The following E2F6 variants were observed in gnomAD, a reference collection of about 807,000 sequenced individuals.
E2F6 encodes the protein transcription factor E2F6.
E2F6 carries 19 observed loss-of-function variants against 31.5 expected under a neutral mutation model. That is an observed-to-expected ratio of 0.60 (90% confidence interval 0.42 to 0.89). E2F6 has a LOEUF of 0.89. E2F6 is among the 40% of genes least tolerant of loss of function. The pLI is 0.00. For synonymous variants in E2F6, 121 were observed against 127.7 expected, an observed-to-expected ratio of 0.95 and a Z score of 0.36; for missense variants, 269 against 341.6, an observed-to-expected ratio of 0.79 and a Z score of 1.67.
At chr2:11,452,522 T>G (rs368315296) in intron 3 of E2F6, among the ~76,000 whole-genome samples, 1 of 151,870 alleles carries the variant, frequency 6.6e-6, no homozygotes, top group East Asian at 1.9e-4. Context: ...GAGAATCACT[T>G]GAACCCAGGA....
chr2:11,453,079 C>T (rs1671172414), intron 3 of E2F6, among the ~76,000 whole-genome samples: 1 of 152,174 alleles, frequency 6.6e-6, no homozygotes, highest in Admixed American at 6.5e-5. Context: ...ACACAGATAC[C>T]TTTATCTATG....
In E2F6 at chr2:11,450,031, T is replaced by C. The variant is rs778783633; in HGVS notation, c.632A>G (p.Asp211Gly). 1.2e-6 allele frequency: 2 copies of C among 1,612,692 alleles called. No individual in the cohort carries two copies. The highest frequency in any genetic ancestry group is 1.3e-5 in the African/African-American group (1 of 75,012). The change falls in exon 5 of 7, where the codon GAT (aspartate) becomes GGT (glycine). Residue 211 changes from aspartate to glycine, a missense_variant. By Grantham distance (94) the Asp-to-Gly change is moderately conservative. Transcript: ENST00000381525. Reference protein sequence around the residue: ...AVKAPAETRLDVPAPREDSIT... With the variant: ...AVKAPAETRLGVPAPREDSIT... ...ACCTACTTCTCTGGGAGCTGGAACA[T>C]CCAATCTGGTTTCTGCTGGAGCTTT...
At chr2:11,450,889 C>T (rs181258234) in intron 4 of E2F6, among the ~76,000 whole-genome samples, 8 of 152,174 alleles carry the variant, frequency 5.3e-5, no homozygotes, top group Non-Finnish European at 8.8e-5. Flanking sequence ...AATCAGTGAG[C>T]CCCTCAAAGG....
intron 2 of E2F6, among the ~76,000 whole-genome samples, 182 bp from the exon 3 acceptor site, chr2:11,453,980 T>C (rs1432759706): frequency 2.6e-5 from 4 of 152,178 alleles, no homozygotes; most frequent in African/African-American, 7.2e-5. Flanking sequence ...TTCACTGGCC[T>C]ATCCTGGCTC....
At position 11,452,451 on chromosome 2, in the gene E2F6, A is replaced by G. The variant is rs1436896822; in HGVS notation, c.381-645T>C. 2.0e-5 allele frequency among the ~76,000 whole-genome samples: 3 copies of G among 152,040 alleles called. No homozygotes were observed. The South Asian group carries it at 6.2e-4, about 32-fold the overall frequency. ...AAACCCCGTCTCTACTAAAAATACAAAAATTAGCCGGGCGTGGTGGTGTAT... is the reference window on the plus strand; with the variant it reads ...AAACCCCGTCTCTACTAAAAATACAGAAATTAGCCGGGCGTGGTGGTGTAT... On this transcript the variant is annotated intron_variant, in intron 3 of 6. Coordinates refer to ENST00000381525, the MANE Select transcript of E2F6 (RefSeq NM_198256.4).
chr2:11,447,979 C>A (rs979455966), intron 5 of E2F6, among the ~76,000 whole-genome samples: 4 of 152,122 alleles, frequency 2.6e-5, no homozygotes, highest in African/African-American at 9.7e-5. Flanking sequence ...AACCTCAGTA[C>A]TCAAGAGCCT....
At chr2:11,461,909 G>T (rs1671803940) in intron 1 of E2F6, among the ~76,000 whole-genome samples, 1 of 152,172 alleles carries the variant, frequency 6.6e-6, no homozygotes, top group Non-Finnish European at 1.5e-5. Flanking sequence ...AAAAATATTT[G>T]AAAATATCAC....
At chr2:11,448,384 T>C (rs1007297363) in intron 5 of E2F6, among the ~76,000 whole-genome samples, 18 of 152,248 alleles carry the variant, frequency 1.2e-4, no homozygotes, top group Non-Finnish European at 2.5e-4. Context: ...GCCCCAGTTA[T>C]AAATGATTGC....
intron 4 of E2F6, 126 bp downstream of exon 4, chr2:11,451,525 T>A: frequency 9.9e-7 from 1 of 1,007,480 alleles, no homozygotes. Flanking sequence ...GCTAATTTTG[T>A]ATTTAACTTT....
At chr2:11,449,781 T>A (rs1314804274) in intron 5 of E2F6, among the ~76,000 whole-genome samples, 1 of 152,266 alleles carries the variant, frequency 6.6e-6, no homozygotes, top group Non-Finnish European at 1.5e-5. Flanking sequence ...CTGGTGATCC[T>A]GAAAAAGTTA....
chr2:11,459,726 T>G (rs1292465797), intron 1 of E2F6, among the ~76,000 whole-genome samples: 2 of 151,794 alleles, frequency 1.3e-5, no homozygotes, highest in East Asian at 3.9e-4. Flanking sequence ...CTACTAAAAA[T>G]ACAAAAAATT....
intron 5 of E2F6, among the ~76,000 whole-genome samples, chr2:11,448,990 C>A (rs952309428): frequency 1.3e-5 from 2 of 152,184 alleles, no homozygotes; most frequent in Non-Finnish European, 2.9e-5. Context: ...TGTGCAGAGA[C>A]TTTAAATAGG....
chr2:11,449,039 C>G (rs563806237), intron 5 of E2F6, among the ~76,000 whole-genome samples: 1 of 152,258 alleles, frequency 6.6e-6, no homozygotes, highest in East Asian at 1.9e-4. Flanking sequence ...AAGGCTCAGC[C>G]AGATTTAGCA....
intron 3 of E2F6, 61 bp downstream of exon 3, chr2:11,453,521 C>T (rs1671202681): frequency 1.4e-6 from 2 of 1,458,308 alleles, no homozygotes; most frequent in Non-Finnish European, 1.9e-6. Context: ...CTAGTTTAAG[C>T]ATGGAATTGT....
chr2:11,449,678 T>G (rs541157769), intron 5 of E2F6, among the ~76,000 whole-genome samples: 6 of 152,252 alleles, frequency 3.9e-5, no homozygotes, highest in Non-Finnish European at 8.8e-5. Flanking sequence ...TTTGCAACTT[T>G]AAGATGGGCC....
At chr2:11,463,166 C>T (rs1671890595) in intron 1 of E2F6, among the ~76,000 whole-genome samples, 1 of 152,140 alleles carries the variant, frequency 6.6e-6, no homozygotes, top group Non-Finnish European at 1.5e-5. Flanking sequence ...ATACAGCTGA[C>T]CCTCAAACAA....
intron 4 of E2F6, chr2:11,451,421 G>A (rs982398576): frequency 3.3e-5 from 8 of 243,862 alleles, no homozygotes; most frequent in East Asian, 2.8e-4. Context: ...CGCCATCTCC[G>A]CTCACAGCAA....
chr2:11,449,690 A>G (rs1478681945), intron 5 of E2F6, among the ~76,000 whole-genome samples: 2 of 152,338 alleles, frequency 1.3e-5, no homozygotes, highest in East Asian at 1.9e-4. Flanking sequence ...AGATGGGCCA[A>G]TTCTTGGTGA....
chr2:11,459,293 T>C (rs1671615061), intron 1 of E2F6, among the ~76,000 whole-genome samples: 2 of 152,272 alleles, frequency 1.3e-5, no homozygotes, highest in South Asian at 2.1e-4. Flanking sequence ...TTCTAGGGTG[T>C]CTTCTCTGCT....
Sources: gnomAD v4.1 joint callset for allele counts (sites outside exome capture counted in the v4.1 genomes callset) on GRCh38, gnomAD v4.1.1 for gene constraint, MANE v1.5 for transcripts, NCBI Gene and HGNC (gene_info 2026-07-23, HGNC 2026-07-21) for gene names.